The following FHIP1B variants were observed in gnomAD, a reference collection of about 807,000 sequenced individuals.
FHIP1B encodes FHF complex subunit HOOK-interacting protein 1B.
Under a neutral mutation model 82.2 loss-of-function variants are expected in FHIP1B, and 28 were observed. That is an observed-to-expected ratio of 0.34 (90% CI 0.25 to 0.47). The LOEUF (loss-of-function observed/expected upper bound fraction) is 0.47. Among genes scored for constraint, FHIP1B ranks in the 20% least tolerant of loss-of-function variants. The pLI is 1.00. For synonymous variants in FHIP1B, 585 were observed against 516.1 expected (o/e 1.13, Z -1.81); for missense variants, 1,110 against 1,262.6 (o/e 0.88, Z 1.83).
chr11:6,213,933 C>G (rs71490179), intron 11 of FHIP1B, among the ~76,000 whole-genome samples: 4 of 148,544 alleles, frequency 2.7e-5, no homozygotes, highest in African/African-American at 9.9e-5. Context: ...AACTTCTACT[C>G]TGAGAAATTC....
intron 6 of FHIP1B, among the ~76,000 whole-genome samples, chr11:6,219,820 G>C (rs543205314): frequency 6.6e-6 from 1 of 152,282 alleles, no homozygotes; most frequent in African/African-American, 2.4e-5. Flanking sequence ...ACAACGAATG[G>C]GTCTTGGTCT....
chr11:6,224,585 C>T lies in FHIP1B; in HGVS notation c.-69G>A, dbSNP rs1218065845. On this transcript the variant is annotated 5_prime_UTR_variant, in exon 2 of 12. Transcript: ENST00000449352. ...AGGATTTGCCAGCTGGAGGTTTTCT[C>T]CACTTGTGTCTCCAGTCTGCTTCAT... The T allele has an allele frequency of 1.3e-6, 2 of 1,493,930 alleles. No individual in the cohort carries two copies. Among genetic ancestry groups the T allele is most frequent in the Non-Finnish European group, 1.8e-6 (2 of 1,113,334 alleles). 92.5% of individuals were successfully genotyped at this position (1,493,930 alleles called of 1,614,324 possible). A position where few individuals can be genotyped will look rare whatever the true frequency, so the allele number is the denominator to read the frequency against.
At position 6,224,063 on chromosome 11, in the gene FHIP1B, A is replaced by C. The variant is rs924966917; in HGVS notation, c.324T>G (p.Arg108=). ...EFALHEDLLT[R]VLTWQLQWDE... ...CCCATTGCAGCTGCCATGTCAACAC[A>C]CGGGTCAGCAGATCCTCGTGCAGAG... Residue 108 remains arginine (R), a synonymous_variant, in exon 3 of 12, where the codon CGT becomes CGG. Coordinates refer to ENST00000449352, the MANE Select transcript of FHIP1B (RefSeq NM_001098794.2). The C allele has an allele frequency of 2.5e-6, 4 of 1,613,390 alleles. No individual in the cohort carries two copies. The African/African-American group carries it at 5.3e-5, about 22-fold the overall frequency.
At position 6,222,604 on chromosome 11, in the gene FHIP1B, A is replaced by G. The variant is rs752843009; in HGVS notation, c.1029T>C (p.Ser343=). 6.2e-7 allele frequency: 1 copy of G among 1,614,040 alleles called. No individual in the cohort carries two copies. The highest frequency in any genetic ancestry group is 8.5e-7 in the Non-Finnish European group (1 of 1,179,952). ...CGGTACTGGCGATCATCTCCTCCAC[A>G]GAGGTCTGCACAAAAAGAAGGGAAA... ...PVMGPALHKT[S]VEEMIASTAY... is the part of the protein sequence containing the mutation. Residue 343 remains serine (S), a synonymous_variant, in exon 6 of 12, where the codon TCT becomes TCC. Coordinates refer to ENST00000449352, the MANE Select transcript of FHIP1B (RefSeq NM_001098794.2).
Position 6,223,685 on chromosome 11 carries a change from T to C in FHIP1B, c.702A>G (p.Leu234=), listed in dbSNP as rs1845619032. 1 of 1,613,834 alleles carries C rather than the reference T, an allele frequency of 6.2e-7. No homozygotes were observed. Among genetic ancestry groups the C allele is most frequent in the African/African-American group, 1.3e-5 (1 of 75,000 alleles). The change falls in exon 3 of 12, where the codon CTA becomes CTG. Residue 234 remains leucine, a synonymous_variant. Coordinates refer to ENST00000449352, the MANE Select transcript of FHIP1B (RefSeq NM_001098794.2). The surrounding 1 kb of genome is among the most constrained non-coding windows in gnomAD (Gnocchi z 4.8). ...GTLGQQARDA[L]LLLMALSAGS... The stretch of plus-strand genomic sequence containing the variant: ...CAGCTGACAAAGCCATGAGAAGAAG[T>C]AGGGCATCACGGGCCTGCTGGCCCA...
chr11:6,223,561 T>G lies in FHIP1B; in HGVS notation c.777+49A>C. On this transcript the variant is annotated intron_variant, in intron 3 of 11. Transcript: ENST00000449352. This position sits in a 1 kb window ranked among gnomAD's most constrained non-coding sequence, Gnocchi z 4.8. ...CCATCTCCTGGATAGGAAGGTGCTG[T>G]TCAGTATCTACACACCACACCCTAC... 1 of 1,527,112 alleles carries G rather than the reference T, an allele frequency of 6.5e-7. No homozygotes were observed. Among genetic ancestry groups the G allele is most frequent in the East Asian group, 2.3e-5 (1 of 44,212 alleles). 94.6% of individuals were successfully genotyped at this position (1,527,112 alleles called of 1,614,324 possible). A position where few individuals can be genotyped will look rare whatever the true frequency, so the allele number is the denominator to read the frequency against.
At position 6,229,294 on chromosome 11, in the gene FHIP1B, T is replaced by A. The variant is rs140449326; in HGVS notation, c.-191-4587A>T. On this transcript the variant is annotated intron_variant, in intron 1 of 11. Coordinates refer to ENST00000449352, the MANE Select transcript of FHIP1B (RefSeq NM_001098794.2). ...ACATATCTGAGCCTCAGCTTCCTCA[T>A]CTATAAATTCCTGATGAAATAAGTA... Among the ~76,000 whole-genome samples the A allele has an allele frequency of 2.0e-5, 3 of 152,350 alleles. No individual in the cohort carries two copies. In the East Asian group the frequency reaches 5.8e-4, roughly 29 times the overall value.
At chr11:6,216,869 C>G in intron 9 of FHIP1B, 1 of 588,728 alleles carries the variant, frequency 1.7e-6, no homozygotes. Context: ...GAGGAAGGAG[C>G]TGAGTAGGGA....
chr11:6,233,455 A>G (rs1480799916), intron 1 of FHIP1B, among the ~76,000 whole-genome samples: 1 of 152,188 alleles, frequency 6.6e-6, no homozygotes, highest in Non-Finnish European at 1.5e-5. Context: ...AGTAAGATGA[A>G]CCCAACTACA....
At chr11:6,217,288 C>T (rs762421923) in intron 9 of FHIP1B, 83 bp downstream of exon 9, 1 of 1,300,352 alleles carries the variant, frequency 7.7e-7, no homozygotes, top group Non-Finnish European at 1.1e-6. Flanking sequence ...ATGACATGGC[C>T]AAGAGGTCCA....
intron 1 of FHIP1B, among the ~76,000 whole-genome samples, chr11:6,230,924 G>A (rs1057461962): frequency 1.9e-4 from 29 of 152,210 alleles, no homozygotes; most frequent in African/African-American, 4.6e-4. Context: ...AGTGGCACAC[G>A]AGACTGGAGA....
chr11:6,228,412 T>G (rs1847618582), intron 1 of FHIP1B, among the ~76,000 whole-genome samples: 2 of 152,124 alleles, frequency 1.3e-5, no homozygotes, highest in African/African-American at 4.8e-5. Flanking sequence ...GAAAAAGCCT[T>G]TTGATTTTGC....
chr11:6,217,251 G>C (rs929310962), intron 9 of FHIP1B, 120 bp downstream of exon 9: 3 of 862,556 alleles, frequency 3.5e-6, no homozygotes, highest in Non-Finnish European at 5.7e-6. Flanking sequence ...AAGCAGGATG[G>C]ATGAGGGGCT....
intron 1 of FHIP1B, among the ~76,000 whole-genome samples, chr11:6,226,908 A>C (rs1448354464): frequency 6.6e-6 from 1 of 152,256 alleles, no homozygotes; most frequent in South Asian, 2.1e-4. Flanking sequence ...ACAATTTATA[A>C]GAAGCTGTTT....
At chr11:6,219,107 C>T in intron 6 of FHIP1B, 57 bp from the exon 7 acceptor site, 4 of 1,431,668 alleles carry the variant, frequency 2.8e-6, no homozygotes, top group African/African-American at 1.4e-5. Flanking sequence ...CCCTCCAAGC[C>T]ATTCACCAAA....
Position 6,217,648 on chromosome 11 carries a change from G to A in FHIP1B, c.1938C>T (p.Ala646=), listed in dbSNP as rs200320410. The change falls in exon 9 of 12, where the codon GCC becomes GCT. Residue 646 remains alanine, a synonymous_variant. Transcript: ENST00000449352. Reference sequence around the variant, plus strand: ...CCTTTGGCACCAGACGAACCTTCTTGGCCCCCTCAGGCCATGATCCTGGCA... The same window carrying A: ...CCTTTGGCACCAGACGAACCTTCTTAGCCCCCTCAGGCCATGATCCTGGCA... ...NGVPGSWPEG[A]KKVRLVPKEG... is the part of the protein sequence containing the mutation. 3 of 1,613,964 alleles carry A rather than the reference G, an allele frequency of 1.9e-6. No homozygotes were observed. In the African/African-American group the frequency reaches 4.0e-5, roughly 22 times the overall value.
At chr11:6,233,778 T>C (rs1425327190) in intron 1 of FHIP1B, among the ~76,000 whole-genome samples, 1 of 152,136 alleles carries the variant, frequency 6.6e-6, no homozygotes, top group Non-Finnish European at 1.5e-5. Flanking sequence ...GGAATAAGGT[T>C]GTCCAGAAGC....
chr11:6,215,579 G>C (rs1229213932), intron 9 of FHIP1B, among the ~76,000 whole-genome samples: 1 of 152,244 alleles, frequency 6.6e-6, no homozygotes, highest in African/African-American at 2.4e-5. Flanking sequence ...TGGAGGACCA[G>C]AGAAGACATC....
Position 6,218,580 on chromosome 11 carries a change from T to C in FHIP1B, c.1435+20A>G, listed in dbSNP as rs751096154. On this transcript the variant is annotated intron_variant, in intron 8 of 11. Coordinates refer to ENST00000449352, the MANE Select transcript of FHIP1B (RefSeq NM_001098794.2). ...TACCCGTGATGTCCTCCCTTCTCCC[T>C]GTCTCTCTGCTAGGCCCACCTCGTG... 10 of 1,613,744 alleles carry C rather than the reference T, an allele frequency of 6.2e-6. No homozygotes were observed. The highest frequency in any genetic ancestry group is 1.3e-5 in the African/African-American group (1 of 74,904).
Sources: gnomAD v4.1 joint callset for allele counts (sites outside exome capture counted in the v4.1 genomes callset) on GRCh38, gnomAD v4.1.1 for gene constraint, Gnocchi (gnomAD v3.1) non-coding constraint, MANE v1.5 for transcripts, NCBI Gene and HGNC (gene_info 2026-07-23, HGNC 2026-07-21) for gene names.